CSMD1: variants seen among roughly 807,000 people sequenced by gnomAD.
The protein encoded by CSMD1 is CUB and Sushi multiple domains 1.
In CSMD1, 213 loss-of-function variants were observed where a neutral mutation model predicts 417.5. The observed-to-expected ratio is 0.51, with a 90% CI of 0.46 to 0.57. The LOEUF is 0.57. Among genes scored for constraint, CSMD1 ranks in the 20% least tolerant of loss-of-function variants. The pLI, the probability that CSMD1 is intolerant of heterozygous loss-of-function variation, is 0.00. For missense variants in CSMD1, 6,923 were observed against 4,529.7 expected, an observed-to-expected ratio of 1.53 and a Z score of -15.17; for synonymous variants, 2,862 against 1,736.8, an observed-to-expected ratio of 1.65 and a Z score of -16.11.
At chr8:4,419,436 T>C (rs954018130) in intron 3 of CSMD1, among the ~76,000 whole-genome samples, 11 of 152,160 alleles carry the variant, frequency 7.2e-5, no homozygotes, top group Non-Finnish European at 5.9e-5. Flanking sequence ...CAAAGGTATC[T>C]AGGCACAAAA....
intron 7 of CSMD1, among the ~76,000 whole-genome samples, chr8:3,690,803 T>C (rs1406441975): frequency 6.6e-6 from 1 of 152,226 alleles, no homozygotes; most frequent in Non-Finnish European, 1.5e-5. Flanking sequence ...GGAATAGTCA[T>C]ATTCTAATTT....
At chr8:4,285,004 A>T (rs967347326) in intron 3 of CSMD1, among the ~76,000 whole-genome samples, 23 of 152,214 alleles carry the variant, frequency 1.5e-4, no homozygotes, top group African/African-American at 5.5e-4. Context: ...TTTATTTGTA[A>T]AATGGGGATA....
At chr8:4,748,749 C>T (rs1673258) in intron 1 of CSMD1, among the ~76,000 whole-genome samples, 94,449 of 152,134 alleles carry the variant, frequency 0.62, 29,614 homozygotes, top group African/African-American at 0.67. Context: ...TGCATTTTTA[C>T]AGACTTAATT....
rs189831211 is a variant in CSMD1 at position 4,172,392 on chromosome 8, A to G, written c.416-140293T>C. Among the ~76,000 whole-genome samples the G allele has an allele frequency of 4.0e-3, 604 of 152,276 alleles. 5 individuals carry two copies. The highest frequency in any genetic ancestry group is 0.013 in the African/African-American group (557 of 41,532). ...ATAATTAAATCAAATCCAAATCTAA[A>G]TAGCCAGTGGGTCTCATGGCTCCCG... On this transcript the variant is annotated intron_variant, in intron 3 of 69. Transcript: ENST00000635120.
intron 1 of CSMD1, among the ~76,000 whole-genome samples, chr8:4,808,353 T>C (rs949500218): frequency 3.9e-5 from 6 of 152,162 alleles, no homozygotes; most frequent in Non-Finnish European, 8.8e-5. Flanking sequence ...GCGACAATCA[T>C]TGGTAGGGCA....
At chr8:4,952,745 T>A (rs1808836385) in intron 1 of CSMD1, among the ~76,000 whole-genome samples, 1 of 152,112 alleles carries the variant, frequency 6.6e-6, no homozygotes, top group African/African-American at 2.4e-5. Context: ...ATTCCTTTAT[T>A]TTTATTTGAA....
intron 5 of CSMD1, among the ~76,000 whole-genome samples, chr8:3,925,598 C>T (rs1057308626): frequency 2.0e-5 from 3 of 152,044 alleles, no homozygotes; most frequent in Non-Finnish European, 4.4e-5. Flanking sequence ...AGTCTTTCCC[C>T]TACTATTCTC....
At chr8:4,098,891 C>T (rs552878978) in intron 3 of CSMD1, among the ~76,000 whole-genome samples, 2 of 152,126 alleles carry the variant, frequency 1.3e-5, no homozygotes, top group Non-Finnish European at 2.9e-5. Context: ...GCACTGAGGA[C>T]CAACTGTGGG....
At chr8:3,020,541 T>A (rs1244018885) in intron 51 of CSMD1, among the ~76,000 whole-genome samples, 4 of 152,124 alleles carry the variant, frequency 2.6e-5, no homozygotes, top group Admixed American at 6.5e-5. Flanking sequence ...TTTATTTTTT[T>A]AATTTATTTT....
chr8:4,058,463 A>C (rs1221881809), intron 3 of CSMD1, among the ~76,000 whole-genome samples: 1 of 152,158 alleles, frequency 6.6e-6, no homozygotes, highest in Non-Finnish European at 1.5e-5. Context: ...CCAGATACAC[A>C]ATCACGTCAT....
intron 3 of CSMD1, among the ~76,000 whole-genome samples, chr8:4,165,372 C>G (rs368946346): frequency 5.7e-4 from 87 of 152,350 alleles, no homozygotes; most frequent in African/African-American, 1.9e-3. Context: ...TCTAAAACAA[C>G]TCTTACTAAA....
chr8:3,616,323 T>A (rs1325468783), intron 8 of CSMD1, among the ~76,000 whole-genome samples: 2 of 152,072 alleles, frequency 1.3e-5, no homozygotes, highest in African/African-American at 4.8e-5. Context: ...AAGAGGATTT[T>A]CCTCCACTTC....
intron 1 of CSMD1, among the ~76,000 whole-genome samples, chr8:4,727,964 A>G (rs1369855738): frequency 4.6e-5 from 1 of 21,836 alleles, no homozygotes; most frequent in East Asian, 3.8e-3. Context: ...GTATATATAT[A>G]CAAAATATAT....
Position 2,938,384 on chromosome 8 carries a change from G to A in CSMD1, c.*201C>T. 1 of 494,886 alleles carries A rather than the reference G, an allele frequency of 2.0e-6. No homozygotes were observed. 30.7% of individuals were successfully genotyped at this position (494,886 alleles called of 1,614,324 possible). A position where few individuals can be genotyped will look rare whatever the true frequency, so the allele number is the denominator to read the frequency against. The stretch of plus-strand genomic sequence containing the variant: ...GGCATTTAGAACCCACTTTTGGAAT[G>A]AAAACGCATGTGTAGTTTGATCCGT... On this transcript the variant is annotated 3_prime_UTR_variant, in exon 70 of 70. Transcript: ENST00000635120.
At chr8:4,185,271 T>C (rs1294293345) in intron 3 of CSMD1, among the ~76,000 whole-genome samples, 2 of 152,086 alleles carry the variant, frequency 1.3e-5, no homozygotes, top group Non-Finnish European at 2.9e-5. Flanking sequence ...CAATTCGTCA[T>C]GATCTTGGGC....
chr8:3,963,095 T>A (rs1243949407), intron 5 of CSMD1, among the ~76,000 whole-genome samples: 1 of 152,108 alleles, frequency 6.6e-6, no homozygotes, highest in African/African-American at 2.4e-5. Context: ...CACGTCTGGC[T>A]AATTTTTGTG....
chr8:3,289,297 G>A lies in CSMD1; in HGVS notation c.3951-4951C>T, dbSNP rs543886643. ...TGCCGCTATAAACATACGTGTGCAT[G>A]TGTCTTTATAGCAGCATGATTTATA... On this transcript the variant is annotated intron_variant, in intron 25 of 69. Transcript: ENST00000635120. Among the ~76,000 whole-genome samples, 2 of 147,236 alleles carry A rather than the reference G, an allele frequency of 1.4e-5. 1 individual carries two copies. Among genetic ancestry groups the A allele is most frequent in the Non-Finnish European group, 2.9e-5 (2 of 68,022 alleles).
At chr8:3,677,933 T>G (rs1392536094) in intron 7 of CSMD1, among the ~76,000 whole-genome samples, 1 of 152,104 alleles carries the variant, frequency 6.6e-6, no homozygotes, top group Non-Finnish European at 1.5e-5. Context: ...TTAGACAAAA[T>G]AAGACAGGAA....
intron 26 of CSMD1, among the ~76,000 whole-genome samples, chr8:3,258,570 G>A (rs1800825521): frequency 6.6e-6 from 1 of 152,094 alleles, no homozygotes; most frequent in Non-Finnish European, 1.5e-5. Context: ...AAATATCATT[G>A]GACCTAGCAA....
Sources: allele counts gnomAD v4.1 joint callset (sites outside exome capture counted in the v4.1 genomes callset), GRCh38; gene constraint gnomAD v4.1.1; transcripts MANE v1.5; gene names NCBI Gene and HGNC (gene_info 2026-07-23, HGNC 2026-07-21).